The following TMEM65 variants were observed in gnomAD, a reference collection of about 807,000 sequenced individuals.
TMEM65 encodes transmembrane protein 65.
TMEM65 carries 22 observed loss-of-function variants against 25.4 expected under a neutral mutation model. That is an observed-to-expected ratio of 0.86 (90% CI 0.62 to 1.23). TMEM65 has a LOEUF of 1.23. Ranked by LOEUF, TMEM65 falls within the 50% of genes most tolerant of loss-of-function variation. The pLI is 0.00. For missense variants in TMEM65, 262 were observed against 308.2 expected (o/e 0.85, Z 1.12); for synonymous variants, 132 against 126.2 (o/e 1.05, Z -0.31).
At chr8:124,326,662 G>A (rs1563591175) in intron 3 of TMEM65, among the ~76,000 whole-genome samples, 1 of 152,088 alleles carries the variant, frequency 6.6e-6, no homozygotes, top group East Asian at 1.9e-4. Flanking sequence ...AGAGCACTGG[G>A]CAGTTTTTGA....
chr8:124,332,475 C>T (rs1337140682), intron 1 of TMEM65, among the ~76,000 whole-genome samples: 1 of 151,520 alleles, frequency 6.6e-6, no homozygotes, highest in African/African-American at 2.4e-5. Flanking sequence ...TCTACAACAG[C>T]GAAGAAGAAA....
At chr8:124,364,644 A>C (rs949191876) in intron 1 of TMEM65, among the ~76,000 whole-genome samples, 3 of 152,212 alleles carry the variant, frequency 2.0e-5, no homozygotes, top group Non-Finnish European at 2.9e-5. Context: ...AATCAAAGTA[A>C]ATGTCTCAGA....
chr8:124,322,035 AT>A, intron 5 of TMEM65, 69 bp downstream of exon 5: 1 of 1,090,498 alleles, frequency 9.2e-7, no homozygotes, highest in Non-Finnish European at 1.3e-6. Flanking sequence ...ATGCTTCTCA[AT>A]TAAAGAAGAG....
chr8:124,338,605 GACA>G (rs1361067551), intron 1 of TMEM65, among the ~76,000 whole-genome samples: 1 of 151,940 alleles, frequency 6.6e-6, no homozygotes, highest in Non-Finnish European at 1.5e-5. Context: ...TATTTTAATT[GACA>G]ACAAGATTCC....
intron 6 of TMEM65, 50 bp downstream of exon 6, chr8:124,320,036 T>A: frequency 1.4e-6 from 2 of 1,474,584 alleles, no homozygotes; most frequent in Non-Finnish European, 1.9e-6. Context: ...CTATACAGAA[T>A]CTTGCTCTGG....
chr8:124,333,455 C>CTGTGTG (rs1276237470), intron 1 of TMEM65, among the ~76,000 whole-genome samples: 1 of 124,740 alleles, frequency 8.0e-6, no homozygotes, highest in African/African-American at 3.2e-5. Context: ...TTCTTTCCAT[C>CTGTGTG]TGTGTGTGTG....
chr8:124,354,909 A>C (rs7004196), intron 1 of TMEM65, among the ~76,000 whole-genome samples: 55,794 of 151,982 alleles, frequency 0.37, 10,532 homozygotes, highest in East Asian at 0.56. Flanking sequence ...AGAGGAGAAA[A>C]AAAGTTTGTT....
At chr8:124,367,818 T>A (rs766465496) in intron 1 of TMEM65, among the ~76,000 whole-genome samples, 3 of 152,052 alleles carry the variant, frequency 2.0e-5, no homozygotes, top group Non-Finnish European at 2.9e-5. Context: ...TGGTAAAAAA[T>A]GTCAAAAGCA....
intron 1 of TMEM65, among the ~76,000 whole-genome samples, chr8:124,362,317 A>C (rs1814878171): frequency 6.6e-6 from 1 of 152,178 alleles, no homozygotes; most frequent in African/African-American, 2.4e-5. Context: ...GAATTTTTTA[A>C]AAGATACAGA....
At position 124,322,102 on chromosome 8, in the gene TMEM65, T is replaced by A. The variant is rs1814309890; in HGVS notation, c.515+3A>T. 1.9e-6 allele frequency: 3 copies of A among 1,605,608 alleles called. No homozygotes were observed. The highest frequency in any genetic ancestry group is 8.5e-7 in the Non-Finnish European group (1 of 1,175,196). ...ATACAAATGAATAAGTGAATGAACC[T>A]ACCCAAGTCCAGCTAGATCTGACAC... is the stretch of plus-strand genomic sequence containing the variant. On this transcript the variant is annotated splice_donor_region_variant and intron_variant, in intron 5 of 6. Transcript: ENST00000297632.
chr8:124,364,686 C>A (rs879173203), intron 1 of TMEM65, among the ~76,000 whole-genome samples: 5 of 152,124 alleles, frequency 3.3e-5, no homozygotes, highest in Admixed American at 3.3e-4. Flanking sequence ...TACCTACAGT[C>A]TTTTATCTAC....
In TMEM65 at chr8:124,313,945, G is replaced by A. The variant is rs751163518; in HGVS notation, c.*15C>T. ...GTACATTAGTTTACATCTTTTTATA[G>A]GTATTCTAAGAGGATTAACTTTTCG... is the stretch of plus-strand genomic sequence containing the variant. On this transcript the variant is annotated 3_prime_UTR_variant, in exon 7 of 7. Transcript: ENST00000297632. 6.4e-7 allele frequency: 1 copy of A among 1,551,822 alleles called. No homozygotes were observed. Among genetic ancestry groups the A allele is most frequent in the East Asian group, 2.3e-5 (1 of 44,312 alleles).
rs903471286 is a variant in TMEM65, at chr8:124,310,277, C to T, written c.*3683G>A. 4.6e-5 allele frequency: 7 copies of T among 152,288 alleles called. No individual in the cohort carries two copies. Among genetic ancestry groups the T allele is most frequent in the Admixed American group, 3.3e-4 (5 of 15,296 alleles). The allele number at this position is 152,288 out of a possible 1,614,324, so 9.4% of individuals were successfully genotyped here. A position where few individuals can be genotyped will look rare whatever the true frequency, so the allele number is the denominator to read the frequency against. ...ACTCAGTGCCTTGAACATCCTAGCACATAGTATGTAATAAAGAACACAAGA... is the reference window on the plus strand; with the variant it reads ...ACTCAGTGCCTTGAACATCCTAGCATATAGTATGTAATAAAGAACACAAGA... On this transcript the variant is annotated 3_prime_UTR_variant, in exon 7 of 7. Transcript: ENST00000297632.
intron 2 of TMEM65, among the ~76,000 whole-genome samples, chr8:124,327,645 T>C (rs1262014640): frequency 6.7e-6 from 1 of 150,218 alleles, no homozygotes; most frequent in Non-Finnish European, 1.5e-5. Context: ...AATAACTGTG[T>C]TAGACTTTTG....
At chr8:124,363,793 C>T (rs1162512532) in intron 1 of TMEM65, among the ~76,000 whole-genome samples, 2 of 143,770 alleles carry the variant, frequency 1.4e-5, no homozygotes, top group Non-Finnish European at 3.0e-5. Flanking sequence ...GCCGAGATCC[C>T]GCCACTGCAC....
At chr8:124,314,265 C>T (rs567730675) in intron 6 of TMEM65, among the ~76,000 whole-genome samples, 4 of 152,058 alleles carry the variant, frequency 2.6e-5, no homozygotes, top group Non-Finnish European at 4.4e-5. Context: ...TTCCTCAATC[C>T]GTACCCCTGC....
In TMEM65 at chr8:124,370,833, G is replaced by A. The variant is rs140238340; in HGVS notation, c.304+1021C>T. Among the ~76,000 whole-genome samples the A allele has an allele frequency of 2.3e-3, 347 of 152,322 alleles. 1 individual carries two copies. Among genetic ancestry groups the A allele is most frequent in the Non-Finnish European group, 4.2e-3 (289 of 68,028 alleles). On this transcript the variant is annotated intron_variant, in intron 1 of 6. Transcript: ENST00000297632. ...ACTTTGGAATCTATGAGATGTTTATGTACCTACCAAGTTTAGAGAGGAGAG... is the reference window on the plus strand; with the variant it reads ...ACTTTGGAATCTATGAGATGTTTATATACCTACCAAGTTTAGAGAGGAGAG...
intron 1 of TMEM65, among the ~76,000 whole-genome samples, chr8:124,355,831 A>G (rs73333903): frequency 0.042 from 6,432 of 152,300 alleles, 484 homozygotes; most frequent in African/African-American, 0.15. Flanking sequence ...ACTGGACACC[A>G]TAAGAGGGTA....
rs935395080 is a variant in TMEM65, at chr8:124,322,162, A to C, written c.473-15T>G. 5 of 1,596,786 alleles carry C rather than the reference A, an allele frequency of 3.1e-6. No homozygotes were observed. In the Admixed American group the frequency reaches 8.4e-5, roughly 27 times the overall value. ...CAAAGCAGCAGCTAAAAATTTGAAA[A>C]ATAAATAATTGTTACATAAAAGAAT... On this transcript the variant is annotated splice_polypyrimidine_tract_variant and intron_variant, in intron 4 of 6. Transcript: ENST00000297632.
Sources: allele counts gnomAD v4.1 joint callset (sites outside exome capture counted in the v4.1 genomes callset), GRCh38; gene constraint gnomAD v4.1.1; transcripts MANE v1.5; gene names NCBI Gene and HGNC (gene_info 2026-07-23, HGNC 2026-07-21).